The following CNGB3 variants were observed in gnomAD, a reference collection of about 807,000 sequenced individuals.
CNGB3 encodes the protein cyclic nucleotide gated channel subunit beta 3, also known as cyclic nucleotide-gated channel beta-3.
Under a neutral mutation model 92.8 loss-of-function variants are expected in CNGB3, and 86 were observed. The ratio of observed to expected loss-of-function variants is 0.93; its 90% CI spans 0.78 to 1.11. The LOEUF is 1.11. Ranked by LOEUF, CNGB3 falls within the 50% of genes least tolerant of loss-of-function variation. CNGB3 has a pLI of 0.00. For synonymous variants in CNGB3, 333 were observed against 332.7 expected (o/e 1.00, Z -0.01); for missense variants, 1,026 against 956.8 (o/e 1.07, Z -0.95).
intron 15 of CNGB3, among the ~76,000 whole-genome samples, chr8:86,593,209 T>A (rs528050535): frequency 1.3e-5 from 2 of 152,328 alleles, no homozygotes; most frequent in South Asian, 4.1e-4. Flanking sequence ...TGAATTGGCC[T>A]TAGAGAAGTG....
chr8:86,682,490 A>G (rs1388183005), intron 3 of CNGB3, among the ~76,000 whole-genome samples: 4 of 152,152 alleles, frequency 2.6e-5, no homozygotes, highest in African/African-American at 9.7e-5. Flanking sequence ...GAAGTACTTC[A>G]ACTCCCCAAA....
At chr8:86,719,615 C>T (rs779739730) in intron 3 of CNGB3, among the ~76,000 whole-genome samples, 1 of 152,030 alleles carries the variant, frequency 6.6e-6, no homozygotes, top group Non-Finnish European at 1.5e-5. Context: ...AAAAATACCA[C>T]CATCATTCTT....
chr8:86,690,952 G>T (rs1824299860), intron 3 of CNGB3, among the ~76,000 whole-genome samples: 1 of 152,146 alleles, frequency 6.6e-6, no homozygotes, highest in South Asian at 2.1e-4. Flanking sequence ...TGCTGTTTTG[G>T]TTACTGTAGC....
chr8:86,585,335 A>AT (rs11381504), intron 15 of CNGB3, among the ~76,000 whole-genome samples: 2,701 of 152,008 alleles, frequency 0.018, 71 homozygotes, highest in African/African-American at 0.06. Context: ...ATATTTATAT[A>AT]TTTTTTCAGA....
rs1023053573 is a variant in CNGB3, at chr8:86,649,206, G to T, written c.904-1319C>A. ...AATGGAAACACATCTCATGCTTATG[G>T]ATTGGAAGGATCAATATTGTAAAAA... On this transcript the variant is annotated intron_variant, in intron 7 of 17. Transcript: ENST00000320005. Among the ~76,000 whole-genome samples, 3 of 151,534 alleles carry T rather than the reference G, an allele frequency of 2.0e-5. No individual in the cohort carries two copies. In the South Asian group the frequency reaches 6.2e-4, roughly 31 times the overall value.
At chr8:86,714,112 C>T (rs1420597034) in intron 3 of CNGB3, among the ~76,000 whole-genome samples, 1 of 152,138 alleles carries the variant, frequency 6.6e-6, no homozygotes, top group Admixed American at 6.5e-5. Context: ...GACATGTATC[C>T]ATCATCATAG....
At chr8:86,716,144 G>C (rs1586033357) in intron 3 of CNGB3, among the ~76,000 whole-genome samples, 1 of 152,180 alleles carries the variant, frequency 6.6e-6, no homozygotes, top group East Asian at 1.9e-4. Context: ...AGAGCTCAAA[G>C]ACGAGGCTTT....
In CNGB3 at chr8:86,582,021, A is replaced by T. The variant is rs145630271; in HGVS notation, c.1782-2769T>A. 3.0e-4 allele frequency among the ~76,000 whole-genome samples: 46 copies of T among 152,354 alleles called. 1 individual carries two copies. In the East Asian group the frequency reaches 3.3e-3, roughly 11 times the overall value. On this transcript the variant is annotated intron_variant, in intron 15 of 17. Coordinates refer to ENST00000320005, the MANE Select transcript of CNGB3 (RefSeq NM_019098.5). ...TTGAACCACAAAAAACAAAAAAATT[A>T]TAAGGAATTCTAAAAGGGAAGAAAA... is the stretch of plus-strand genomic sequence containing the variant.
At chr8:86,602,336 G>A (rs1444855510) in intron 15 of CNGB3, among the ~76,000 whole-genome samples, 2 of 152,086 alleles carry the variant, frequency 1.3e-5, no homozygotes, top group African/African-American at 4.8e-5. Flanking sequence ...AAAAAGAGAA[G>A]CCACATTAAC....
chr8:86,712,448 T>C (rs552309809), intron 3 of CNGB3, among the ~76,000 whole-genome samples: 30 of 152,264 alleles, frequency 2.0e-4, no homozygotes, highest in African/African-American at 5.3e-4. Context: ...CTCTGACTCA[T>C]TGGGAATTTT....
chr8:86,666,825 A>G (rs1823748117), intron 6 of CNGB3, 100 bp downstream of exon 6: 1 of 925,050 alleles, frequency 1.1e-6, no homozygotes. Context: ...ATCCATGCAG[A>G]TAGCCAGTCA....
At chr8:86,719,699 A>C (rs1473170853) in intron 3 of CNGB3, among the ~76,000 whole-genome samples, 1 of 152,206 alleles carries the variant, frequency 6.6e-6, no homozygotes, top group Non-Finnish European at 1.5e-5. Flanking sequence ...AGCAAGGCTA[A>C]ACAAAAGAAA....
In CNGB3 at chr8:86,703,935, T is replaced by C. The variant is rs78910876; in HGVS notation, c.338+22596A>G. On this transcript the variant is annotated intron_variant, in intron 3 of 17. Coordinates refer to ENST00000320005, the MANE Select transcript of CNGB3 (RefSeq NM_019098.5). Reference sequence around the variant, plus strand: ...AAAGAATAAATATCATAAAAACTAATATTTCTTATTATTTCTAGCAGTCAA... The same window carrying C: ...AAAGAATAAATATCATAAAAACTAACATTTCTTATTATTTCTAGCAGTCAA... 1,284 of 152,298 alleles carry C rather than the reference T, an allele frequency of 8.4e-3. 18 individuals carry two copies. The highest frequency in any genetic ancestry group is 0.029 in the African/African-American group (1,209 of 41,564). The allele number at this position is 152,298 out of a possible 1,614,324, so 9.4% of individuals were successfully genotyped here. A position where few individuals can be genotyped will look rare whatever the true frequency, so the allele number is the denominator to read the frequency against.
At chr8:86,593,568 C>A (rs1822101205) in intron 15 of CNGB3, among the ~76,000 whole-genome samples, 1 of 152,086 alleles carries the variant, frequency 6.6e-6, no homozygotes, top group South Asian at 2.1e-4. Flanking sequence ...TTTCTCTCTC[C>A]TTCGAGGTCT....
At chr8:86,692,233 A>G (rs1824333552) in intron 3 of CNGB3, among the ~76,000 whole-genome samples, 1 of 152,174 alleles carries the variant, frequency 6.6e-6, no homozygotes. Flanking sequence ...GTAAATATCT[A>G]TAAAGTCCAT....
intron 15 of CNGB3, among the ~76,000 whole-genome samples, chr8:86,599,787 A>G (rs979402465): frequency 9.2e-5 from 14 of 152,200 alleles, no homozygotes; most frequent in Non-Finnish European, 8.8e-5. Flanking sequence ...ATCAATGACC[A>G]TGCGTGCCTG....
intron 6 of CNGB3, chr8:86,657,496 C>A: frequency 1.9e-6 from 1 of 513,112 alleles, no homozygotes; most frequent in South Asian, 1.5e-5. Context: ...GAAGCAGTTG[C>A]ATAATCTGCT....
chr8:86,694,494 C>G (rs1031733992), intron 3 of CNGB3, among the ~76,000 whole-genome samples: 1 of 151,894 alleles, frequency 6.6e-6, no homozygotes, highest in African/African-American at 2.4e-5. Flanking sequence ...GGTCTCCTCA[C>G]TTCTCAGATG....
Position 86,644,651 on chromosome 8 carries a change from C to G in CNGB3, c.1026G>C (p.Glu342Asp), listed in dbSNP as rs1424157143. The G allele has an allele frequency of 6.3e-7, 1 of 1,594,350 alleles. No homozygotes were observed. The highest frequency in any genetic ancestry group is 8.6e-7 in the Non-Finnish European group (1 of 1,167,860). Residue 342 changes from glutamate to aspartate, a missense_variant, in exon 9 of 18, where the codon GAG (glutamate) becomes GAC (aspartate). Coordinates refer to ENST00000320005, the MANE Select transcript of CNGB3 (RefSeq NM_019098.5). The stretch of plus-strand genomic sequence containing the variant: ...AGATATATGCTTTGTCCATTATAGA[C>G]TCTAGGTGATGATTAAATTCAAAAA... Reference protein sequence around the residue: ...TSFFEFNHHLESIMDKAYIYR... With the variant: ...TSFFEFNHHLDSIMDKAYIYR...
Sources: allele counts gnomAD v4.1 joint callset (sites outside exome capture counted in the v4.1 genomes callset), GRCh38; gene constraint gnomAD v4.1.1; transcripts MANE v1.5; gene names NCBI Gene and HGNC (gene_info 2026-07-23, HGNC 2026-07-21).